The following ZFAND6 variants were observed in gnomAD, a reference collection of about 807,000 sequenced individuals.
ZFAND6 encodes the protein AN1-type zinc finger protein 6.
In ZFAND6, 12 loss-of-function variants were observed where a neutral mutation model predicts 24.5. The ratio of observed to expected loss-of-function variants is 0.49; its 90% CI spans 0.31 to 0.79. The LOEUF is 0.79. Ranked by LOEUF, ZFAND6 falls within the 30% of genes least tolerant of loss-of-function variation. The probability of loss-of-function intolerance (pLI) is 0.04; values close to 1 mark genes in which losing one functional copy is unlikely to be tolerated. For missense variants in ZFAND6, 207 were observed against 245.9 expected, an observed-to-expected ratio of 0.84 and a Z score of 1.06; for synonymous variants, 92 against 81.5, an observed-to-expected ratio of 1.13 and a Z score of -0.69.
chr15:80,124,596 A>G (rs1714221398), intron 5 of ZFAND6, among the ~76,000 whole-genome samples: 1 of 152,188 alleles, frequency 6.6e-6, no homozygotes. Flanking sequence ...AAGTGTTTTT[A>G]TTTCCATTTG....
At chr15:80,070,467 CTGT>C (rs1429621202) in intron 1 of ZFAND6, among the ~76,000 whole-genome samples, 1 of 152,040 alleles carries the variant, frequency 6.6e-6, no homozygotes, top group African/African-American at 2.4e-5. Context: ...TTTGTTTTTG[CTGT>C]TGTTTTCTGC....
chr15:80,074,757 C>T (rs1413350269), intron 1 of ZFAND6, among the ~76,000 whole-genome samples: 1 of 151,890 alleles, frequency 6.6e-6, no homozygotes, highest in Non-Finnish European at 1.5e-5. Flanking sequence ...TTGGCATTGA[C>T]CACAAATTAT....
intron 2 of ZFAND6, among the ~76,000 whole-genome samples, chr15:80,114,022 A>G (rs2039741446): frequency 1.3e-5 from 2 of 152,144 alleles, no homozygotes; most frequent in African/African-American, 4.8e-5. Context: ...GATGGGATAT[A>G]CTAAAAAAGG....
chr15:80,097,095 G>T (rs1489558839), intron 1 of ZFAND6, among the ~76,000 whole-genome samples: 1 of 151,504 alleles, frequency 6.6e-6, no homozygotes, highest in Non-Finnish European at 1.5e-5. Flanking sequence ...CACCTCCCAG[G>T]TTCAAGTGAT....
intron 1 of ZFAND6, among the ~76,000 whole-genome samples, chr15:80,066,717 C>T (rs893971496): frequency 7.9e-5 from 12 of 151,964 alleles, no homozygotes; most frequent in African/African-American, 1.7e-4. Context: ...GCCAACGTGG[C>T]GAAACCTCAT....
At chr15:80,132,317 G>A (rs1190816593) in intron 6 of ZFAND6, among the ~76,000 whole-genome samples, 1 of 152,124 alleles carries the variant, frequency 6.6e-6, no homozygotes, top group Non-Finnish European at 1.5e-5. Context: ...AACATGTGTA[G>A]ATACTTGTGT....
intron 1 of ZFAND6, among the ~76,000 whole-genome samples, chr15:80,063,540 C>CA (rs2141774938): frequency 6.6e-6 from 1 of 151,556 alleles, no homozygotes; most frequent in Non-Finnish European, 1.5e-5. Flanking sequence ...TACAGACATG[C>CA]ACCACCACGC....
intron 1 of ZFAND6, among the ~76,000 whole-genome samples, chr15:80,068,651 C>T (rs182475418): frequency 7.6e-4 from 115 of 152,294 alleles, no homozygotes; most frequent in Non-Finnish European, 3.4e-4. Flanking sequence ...GGATTATAGG[C>T]GTGAGCTACC....
rs138882830 is a variant in ZFAND6, at chr15:80,090,153, T to G, written c.-180-8263T>G. 8.7e-4 allele frequency among the ~76,000 whole-genome samples: 133 copies of G among 152,346 alleles called. No individual in the cohort carries two copies. The East Asian group carries it at 0.023, about 26-fold the overall frequency. ...TGCTCAGAAACTTTTTCATTTCAGC[T>G]TACGTAGCTATTAAGTAGTAAAGCA... On this transcript the variant is annotated intron_variant, in intron 1 of 6. Transcript: ENST00000261749.
chr15:80,060,907 G>A (rs987112922), intron 1 of ZFAND6, among the ~76,000 whole-genome samples: 1 of 152,148 alleles, frequency 6.6e-6, no homozygotes, highest in South Asian at 2.1e-4. Context: ...GCGACAGAGG[G>A]AGACTCCGTC....
At chr15:80,088,963 G>C (rs1471968657) in intron 1 of ZFAND6, among the ~76,000 whole-genome samples, 1 of 151,568 alleles carries the variant, frequency 6.6e-6, no homozygotes, top group African/African-American at 2.4e-5. Flanking sequence ...ATCCATAATA[G>C]ACCCACCATA....
chr15:80,066,925 A>G (rs1021108897), intron 1 of ZFAND6, among the ~76,000 whole-genome samples: 5 of 151,690 alleles, frequency 3.3e-5, no homozygotes, highest in Admixed American at 1.3e-4. Context: ...AATTGCAAAC[A>G]GTTTGAAGCC....
intron 5 of ZFAND6, among the ~76,000 whole-genome samples, chr15:80,126,665 GA>G (rs1343948596): frequency 6.6e-6 from 1 of 152,114 alleles, no homozygotes; most frequent in Admixed American, 6.5e-5. Flanking sequence ...GACCTAAAAC[GA>G]ATATAAGAGA....
chr15:80,059,515 C>A (rs892132597), upstream of ZFAND6: 2 of 152,210 alleles, frequency 1.3e-5, no homozygotes, highest in African/African-American at 4.8e-5. Flanking sequence ...CGCTCCGAGC[C>A]TTGACCCCGC....
At chr15:80,089,095 T>C (rs771860728) in intron 1 of ZFAND6, among the ~76,000 whole-genome samples, 2 of 152,024 alleles carry the variant, frequency 1.3e-5, no homozygotes, top group Non-Finnish European at 2.9e-5. Flanking sequence ...ACAGCTGTTA[T>C]CTTCCCACAT....
intron 3 of ZFAND6, among the ~76,000 whole-genome samples, chr15:80,121,273 CTAAGATCAAA>C (rs1248478439): frequency 1.3e-5 from 2 of 152,046 alleles, no homozygotes; most frequent in Admixed American, 6.6e-5. Context: ...TTGCTTAAGG[CTAAGATCAAA>C]TGAGTATAAA....
chr15:80,060,002 A>G (rs1295208190), intron 1 of ZFAND6, among the ~76,000 whole-genome samples, 193 bp downstream of exon 1: 5 of 150,188 alleles, frequency 3.3e-5, no homozygotes, highest in Non-Finnish European at 3.0e-5. Flanking sequence ...GAGGGCGAGG[A>G]CTCCCGGCTC....
chr15:80,088,471 C>G (rs990583449), intron 1 of ZFAND6, among the ~76,000 whole-genome samples: 1 of 152,136 alleles, frequency 6.6e-6, no homozygotes, highest in African/African-American at 2.4e-5. Flanking sequence ...GAGGCCGAAG[C>G]AGGAGAATTG....
intron 1 of ZFAND6, among the ~76,000 whole-genome samples, chr15:80,074,922 C>T (rs531403828): frequency 5.9e-5 from 9 of 152,060 alleles, no homozygotes; most frequent in African/African-American, 1.9e-4. Flanking sequence ...TAATGATAAG[C>T]CATAGGCTGG....
Sources: gnomAD v4.1 joint callset for allele counts (sites outside exome capture counted in the v4.1 genomes callset) on GRCh38, gnomAD v4.1.1 for gene constraint, MANE v1.5 for transcripts, NCBI Gene and HGNC (gene_info 2026-07-23, HGNC 2026-07-21) for gene names.